Variants in MED22 observed in about 807,000 individuals in gnomAD.
MED22 encodes the protein mediator complex subunit 22, also known as mediator of RNA polymerase II transcription subunit 22.
MED22 carries 22 observed loss-of-function variants against 22.7 expected under a neutral mutation model. The ratio of observed to expected loss-of-function variants is 0.97; its 90% CI spans 0.69 to 1.38. The LOEUF is 1.38. Among genes scored for constraint, MED22 ranks in the 40% most tolerant of loss-of-function variants. The pLI is 0.00. For missense variants in MED22, 247 were observed against 263.0 expected (o/e 0.94, Z 0.42); for synonymous variants, 134 against 119.4 (o/e 1.12, Z -0.80).
intron 3 of MED22, among the ~76,000 whole-genome samples, chr9:133,344,789 G>A (rs2129962834): frequency 2.0e-5 from 3 of 152,114 alleles, no homozygotes; most frequent in Non-Finnish European, 4.4e-5. Flanking sequence ...CCTGTGATCC[G>A]AAGGAATCCA....
Position 133,343,652 on chromosome 9 carries a change from G to C in MED22, c.413+473C>G, listed in dbSNP as rs894001711. ...CATGACTGTCCCTGCCTCCACACTG[G>C]GGTTTGGTGACATCCACATGGAATT... is the stretch of plus-strand genomic sequence containing the variant. On this transcript the variant is annotated intron_variant, in intron 4 of 4. Coordinates refer to ENST00000343730, the MANE Select transcript of MED22 (RefSeq NM_133640.5). 8.0e-6 allele frequency: 10 copies of C among 1,250,310 alleles called. No individual in the cohort carries two copies. In the Admixed American group the frequency reaches 3.8e-4, roughly 47 times the overall value. The allele number at this position is 1,250,310 out of a possible 1,614,324, so 77.5% of individuals were successfully genotyped here.
intron 3 of MED22, among the ~76,000 whole-genome samples, chr9:133,344,851 T>G (rs1836135737): frequency 6.6e-6 from 1 of 152,184 alleles, no homozygotes; most frequent in Non-Finnish European, 1.5e-5. Flanking sequence ...ACAACTGACC[T>G]TAGGAACTCC....
At chr9:133,345,631 G>A (rs2129965865) in intron 2 of MED22, among the ~76,000 whole-genome samples, 1 of 152,042 alleles carries the variant, frequency 6.6e-6, no homozygotes, top group African/African-American at 2.4e-5. Context: ...TGAGTGAAGG[G>A]ATGATTTAAG....
At chr9:133,343,580 A>G (rs2129957261) in intron 4 of MED22, 15 of 1,242,386 alleles carry the variant, frequency 1.2e-5, no homozygotes, top group South Asian at 3.9e-5. Context: ...TGGAGCTCCA[A>G]TGGCTTTCAA....
At chr9:133,341,995 C>G in intron 4 of MED22, 1 of 1,182,360 alleles carries the variant, frequency 8.5e-7, no homozygotes, top group Non-Finnish European at 1.0e-6. Flanking sequence ...CTGTCCTAGC[C>G]TATGCCTCCC....
intron 2 of MED22, among the ~76,000 whole-genome samples, chr9:133,345,945 T>C (rs1836167539): frequency 6.6e-6 from 1 of 152,138 alleles, no homozygotes; most frequent in Admixed American, 6.5e-5. Flanking sequence ...CCTCCTGAAA[T>C]GAAGAGGACA....
chr9:133,342,537 C>T, intron 4 of MED22: 1 of 986,172 alleles, frequency 1.0e-6, no homozygotes, highest in Non-Finnish European at 1.2e-6. Flanking sequence ...CACAGAGGCG[C>T]AGCTCATGCG....
At chr9:133,342,169 G>A (rs1836024533) in intron 4 of MED22, 4 of 992,262 alleles carry the variant, frequency 4.0e-6, no homozygotes, top group East Asian at 1.1e-4. Context: ...CCTGAAGGGG[G>A]CGACAGTTGG....
chr9:133,343,527 G>A (rs1016761073), intron 4 of MED22: 2 of 1,237,426 alleles, frequency 1.6e-6, no homozygotes, highest in South Asian at 8.0e-5. Context: ...CTGGCACGTA[G>A]GTTGGCTCCA....
In MED22 at chr9:133,339,334, G is replaced by T; in HGVS notation, c.*2171C>A. The T allele has an allele frequency of 1.5e-6, 1 of 645,276 alleles. No individual in the cohort carries two copies. Among genetic ancestry groups the T allele is most frequent in the South Asian group, 1.6e-5 (1 of 63,982 alleles). The allele number at this position is 645,276 out of a possible 1,614,324, so 40.0% of individuals were successfully genotyped here. A position where few individuals can be genotyped will look rare whatever the true frequency, so the allele number is the denominator to read the frequency against. ...GTGAAGGAAAATGATCAGAAAAAGA[G>T]GGAAGCCAAAGAGAAAGGTACCTGG... On this transcript the variant is annotated 3_prime_UTR_variant, in exon 5 of 5. Coordinates refer to ENST00000343730, the MANE Select transcript of MED22 (RefSeq NM_133640.5).
chr9:133,345,045 C>G, intron 3 of MED22, 127 bp downstream of exon 3: 1 of 841,834 alleles, frequency 1.2e-6, no homozygotes, highest in Non-Finnish European at 1.9e-6. Context: ...CTACATTTGC[C>G]TCCTTCTGCT....
intron 4 of MED22, chr9:133,343,333 G>A (rs919300318): frequency 5.7e-6 from 7 of 1,229,970 alleles, no homozygotes; most frequent in Admixed American, 8.4e-5. Context: ...TAAGCTAATG[G>A]GGCAGAGTGG....
Position 133,343,604 on chromosome 9 carries a change from C to G in MED22, c.413+521G>C, listed in dbSNP as rs113255015. 485 of 1,244,358 alleles carry G rather than the reference C, an allele frequency of 3.9e-4. 1 individual carries two copies. The African/African-American group carries it at 6.8e-3, about 17-fold the overall frequency. The allele number at this position is 1,244,358 out of a possible 1,614,324, so 77.1% of individuals were successfully genotyped here. On this transcript the variant is annotated intron_variant, in intron 4 of 4. Transcript: ENST00000343730. ...AATGGCTTTCAAGGCCATTCCCTGC[C>G]TGGGCTTCATCCCCCACATTCCCAT...
At chr9:133,344,419 C>T in intron 3 of MED22, 86 bp from the exon 4 acceptor site, 2 of 1,389,468 alleles carry the variant, frequency 1.4e-6, no homozygotes, top group Non-Finnish European at 2.0e-6. Flanking sequence ...CAAGGGATGG[C>T]CTCTCTAGGA....
chr9:133,342,347 T>C lies in MED22; in HGVS notation c.414-653A>G, dbSNP rs1836031097. Reference sequence around the variant, plus strand: ...GTGACAATCCACGCTCGCCTCTTTCTAACCTGCAGGCAGGGGCCCTGGCTT... The same window carrying C: ...GTGACAATCCACGCTCGCCTCTTTCCAACCTGCAGGCAGGGGCCCTGGCTT... On this transcript the variant is annotated intron_variant, in intron 4 of 4. Transcript: ENST00000343730. 9 of 985,994 alleles carry C rather than the reference T, an allele frequency of 9.1e-6. No homozygotes were observed. The South Asian group carries it at 1.9e-4, about 21-fold the overall frequency. The allele number at this position is 985,994 out of a possible 1,614,324, so 61.1% of individuals were successfully genotyped here.
At chr9:133,342,578 C>T (rs1203325631) in intron 4 of MED22, 58 of 986,294 alleles carry the variant, frequency 5.9e-5, no homozygotes, top group Non-Finnish European at 6.5e-5. Context: ...GGGAGCGGAG[C>T]GCCCTTTGGG....
rs199809858 is a variant in MED22, at chr9:133,345,228, G to A, written c.148C>T (p.Arg50Trp). ...TTGTCCTGTTCACCCTGAGTGGCCCGTGACACCTGCGTCTCGTCCTCAATC... is the reference window on the plus strand; with the variant it reads ...TTGTCCTGTTCACCCTGAGTGGCCCATGACACCTGCGTCTCGTCCTCAATC... The part of the protein sequence containing the change: ...AKIEDETQVS[R>W]ATQGEQDNYE... Residue 50 changes from arginine (R) to tryptophan (W), a missense_variant, in exon 3 of 5, where the codon CGG (arginine) becomes TGG (tryptophan). Physicochemically the swap from Arg to Trp is moderately radical, Grantham distance 101. Transcript: ENST00000343730. 2.7e-5 allele frequency: 43 copies of A among 1,613,782 alleles called. No homozygotes were observed. Among genetic ancestry groups the A allele is most frequent in the Middle Eastern group, 1.6e-4 (1 of 6,084 alleles).
rs2129954200 is a variant in MED22 at position 133,342,645 on chromosome 9, T to C, written c.414-951A>G. The C allele has an allele frequency of 6.1e-6, 6 of 985,478 alleles. No homozygotes were observed. In the South Asian group the frequency reaches 1.9e-4, roughly 31 times the overall value. 61.0% of individuals were successfully genotyped at this position (985,478 alleles called of 1,614,324 possible). A position where few individuals can be genotyped will look rare whatever the true frequency, so the allele number is the denominator to read the frequency against. Reference sequence around the variant, plus strand: ...CCAGGACCTGGTCGCTTAAAGGCAATGTACAGAGGAGGGCAACTGCTTCTG... The same window carrying C: ...CCAGGACCTGGTCGCTTAAAGGCAACGTACAGAGGAGGGCAACTGCTTCTG... On this transcript the variant is annotated intron_variant, in intron 4 of 4. Transcript: ENST00000343730.
At chr9:133,342,783 G>C (rs1031544908) in intron 4 of MED22, 3 of 985,662 alleles carry the variant, frequency 3.0e-6, no homozygotes, top group Non-Finnish European at 3.6e-6. Flanking sequence ...GGACTGTTGG[G>C]GGAGGGCATG....
Sources: allele counts gnomAD v4.1 joint callset (sites outside exome capture counted in the v4.1 genomes callset), GRCh38; gene constraint gnomAD v4.1.1; transcripts MANE v1.5; gene names NCBI Gene and HGNC (gene_info 2026-07-23, HGNC 2026-07-21).